LIN7A: variants seen among roughly 807,000 people sequenced by gnomAD.
LIN7A encodes the protein lin-7 cell polarity scaffold A.
Under a neutral mutation model 29.8 loss-of-function variants are expected in LIN7A, and 25 were observed. The ratio of observed to expected loss-of-function variants is 0.84; its 90% CI spans 0.61 to 1.17. The LOEUF (loss-of-function observed/expected upper bound fraction) is 1.17. Among genes scored for constraint, LIN7A ranks in the 50% most tolerant of loss-of-function variants. LIN7A has a pLI of 0.00. For missense variants in LIN7A, 239 were observed against 287.0 expected (o/e 0.83, Z 1.21); for synonymous variants, 118 against 107.5 (o/e 1.10, Z -0.60).
At chr12:80,816,234 A>G (rs1324927153) in intron 4 of LIN7A, among the ~76,000 whole-genome samples, 1 of 152,124 alleles carries the variant, frequency 6.6e-6, no homozygotes, top group Non-Finnish European at 1.5e-5. Context: ...GCAAGACCCC[A>G]TCTCTACAAA....
Position 80,795,749 on chromosome 12 carries a change from AAT to A in LIN7A, c.*1976_*1977del, listed in dbSNP as rs1463471389. The stretch of plus-strand genomic sequence containing the variant: ...TATATCTTTGTTAAATGATAACTAA[AAT>A]ATATGTTTTATTAAATTTTTCTTAT... On this transcript the variant is annotated 3_prime_UTR_variant, in exon 6 of 6. Coordinates refer to ENST00000552864, the MANE Select transcript of LIN7A (RefSeq NM_004664.4). 1.3e-5 allele frequency: 2 copies of A among 152,086 alleles called. No homozygotes were observed. The highest frequency in any genetic ancestry group is 2.9e-5 in the Non-Finnish European group (2 of 67,988). 9.4% of individuals were successfully genotyped at this position (152,086 alleles called of 1,614,324 possible).
At chr12:80,851,901 T>G (rs1873353542) in intron 2 of LIN7A, among the ~76,000 whole-genome samples, 1 of 152,136 alleles carries the variant, frequency 6.6e-6, no homozygotes, top group Non-Finnish European at 1.5e-5. Context: ...CAGTAGCATT[T>G]TGCATGTTTA....
At chr12:80,930,646 A>T (rs1163193885) in intron 1 of LIN7A, among the ~76,000 whole-genome samples, 1 of 152,226 alleles carries the variant, frequency 6.6e-6, no homozygotes, top group Non-Finnish European at 1.5e-5. Flanking sequence ...TCATAAGTTA[A>T]AACAGCAGGG....
chr12:80,925,344 G>A (rs1877525317), intron 1 of LIN7A, among the ~76,000 whole-genome samples: 1 of 152,120 alleles, frequency 6.6e-6, no homozygotes, highest in Non-Finnish European at 1.5e-5. Context: ...GAACATCCAG[G>A]TATCTCCAAG....
chr12:80,892,907 A>C (rs952011135), intron 1 of LIN7A, among the ~76,000 whole-genome samples: 7 of 152,190 alleles, frequency 4.6e-5, no homozygotes, highest in Non-Finnish European at 1.0e-4. Flanking sequence ...CCTCTGCTAC[A>C]TATTATTGGT....
chr12:80,895,325 G>T (rs1034148691), intron 1 of LIN7A, among the ~76,000 whole-genome samples: 3 of 152,132 alleles, frequency 2.0e-5, no homozygotes, highest in Non-Finnish European at 2.9e-5. Flanking sequence ...GAATTTAAAA[G>T]GGATGAGCTT....
intron 2 of LIN7A, among the ~76,000 whole-genome samples, chr12:80,875,375 T>C (rs1467743825): frequency 2.0e-5 from 3 of 152,230 alleles, no homozygotes. Context: ...AGCATAGCAC[T>C]AGGTGCTTTC....
At chr12:80,814,379 C>G (rs959871615) in intron 4 of LIN7A, among the ~76,000 whole-genome samples, 2 of 151,926 alleles carry the variant, frequency 1.3e-5, no homozygotes, top group African/African-American at 4.8e-5. Flanking sequence ...ATACCCTTCT[C>G]TAATTTCTTT....
At chr12:80,867,350 A>G (rs943654903) in intron 2 of LIN7A, among the ~76,000 whole-genome samples, 5 of 152,164 alleles carry the variant, frequency 3.3e-5, no homozygotes, top group African/African-American at 9.7e-5. Context: ...ACTCCTGACA[A>G]GGGAAATTAG....
rs772269400 is a variant in LIN7A, at chr12:80,937,739, T to C, written c.-17A>G. 4.3e-6 allele frequency: 6 copies of C among 1,382,886 alleles called. No individual in the cohort carries two copies. The highest frequency in any genetic ancestry group is 4.7e-6 in the Non-Finnish European group (5 of 1,059,170). The allele number at this position is 1,382,886 out of a possible 1,614,324, so 85.7% of individuals were successfully genotyped here. A position where few individuals can be genotyped will look rare whatever the true frequency, so the allele number is the denominator to read the frequency against. ...CTTCAGCATCAGCAACCGCTCGTAG[T>C]GAGAAAAAAAGGAGGAGATTGGGGG... On this transcript the variant is annotated 5_prime_UTR_variant, in exon 1 of 6. Coordinates refer to ENST00000552864, the MANE Select transcript of LIN7A (RefSeq NM_004664.4).
At chr12:80,857,229 G>T (rs1330972959) in intron 2 of LIN7A, among the ~76,000 whole-genome samples, 3 of 152,154 alleles carry the variant, frequency 2.0e-5, no homozygotes, top group Non-Finnish European at 4.4e-5. Flanking sequence ...TCAGAGTGGA[G>T]TAAAACAGAT....
chr12:80,859,276 T>C (rs1873751012), intron 2 of LIN7A, among the ~76,000 whole-genome samples: 1 of 152,140 alleles, frequency 6.6e-6, no homozygotes, highest in Non-Finnish European at 1.5e-5. Context: ...TTGATGATTG[T>C]AGGCTCAGGT....
intron 4 of LIN7A, among the ~76,000 whole-genome samples, chr12:80,816,032 A>G (rs1871514125): frequency 1.3e-5 from 2 of 152,200 alleles, no homozygotes; most frequent in Admixed American, 6.5e-5. Flanking sequence ...ATTAAAATGC[A>G]CTATGAAGAC....
chr12:80,836,589 A>T, intron 4 of LIN7A, among the ~76,000 whole-genome samples: 1 of 91,282 alleles, frequency 1.1e-5, no homozygotes, highest in African/African-American at 2.9e-5. Flanking sequence ...TGGGAGGCAG[A>T]GTTTGCAGTG....
intron 4 of LIN7A, among the ~76,000 whole-genome samples, chr12:80,826,745 G>A (rs1872100499): frequency 6.6e-6 from 1 of 152,016 alleles, no homozygotes; most frequent in Admixed American, 6.6e-5. Flanking sequence ...TTGGTCTCGA[G>A]CTCCTGACCT....
chr12:80,860,850 C>G (rs1354098395), intron 2 of LIN7A: 1 of 152,204 alleles, frequency 6.6e-6, no homozygotes, highest in Non-Finnish European at 1.5e-5. Context: ...AAAATGCTAT[C>G]TTTGCATTAA....
intron 4 of LIN7A, among the ~76,000 whole-genome samples, chr12:80,822,918 A>G (rs1250148613): frequency 6.6e-6 from 1 of 152,140 alleles, no homozygotes; most frequent in African/African-American, 2.4e-5. Flanking sequence ...CTGCCTGTTC[A>G]ACGGACCAGA....
At chr12:80,914,262 C>A (rs1037598951) in intron 1 of LIN7A, among the ~76,000 whole-genome samples, 1 of 152,136 alleles carries the variant, frequency 6.6e-6, no homozygotes, top group Non-Finnish European at 1.5e-5. Context: ...TATTACATAC[C>A]ATTTGGAGAC....
At position 80,795,460 on chromosome 12, in the gene LIN7A, G is replaced by A. The variant is rs185767148; in HGVS notation, c.*2267C>T. The A allele has an allele frequency of 6.6e-6, 1 of 151,868 alleles. No homozygotes were observed. Among genetic ancestry groups the A allele is most frequent in the East Asian group, 1.9e-4 (1 of 5,174 alleles). 9.4% of individuals were successfully genotyped at this position (151,868 alleles called of 1,614,324 possible). The stretch of plus-strand genomic sequence containing the variant: ...TAACCAAATGAAGCATAAATACAAA[G>A]GTTTCTAGAAAACACAAATGTAAAC... On this transcript the variant is annotated 3_prime_UTR_variant, in exon 6 of 6. Coordinates refer to ENST00000552864, the MANE Select transcript of LIN7A (RefSeq NM_004664.4).
Sources: allele counts gnomAD v4.1 joint callset (sites outside exome capture counted in the v4.1 genomes callset), GRCh38; gene constraint gnomAD v4.1.1; transcripts MANE v1.5; gene names NCBI Gene and HGNC (gene_info 2026-07-23, HGNC 2026-07-21).